Variants in TET1 observed in about 807,000 individuals in gnomAD.
TET1 encodes the protein tet methylcytosine dioxygenase 1, also known as methylcytosine dioxygenase TET1.
TET1 carries 13 observed loss-of-function variants against 148.7 expected under a neutral mutation model. The ratio of observed to expected loss-of-function variants is 0.09; its 90% CI spans 0.06 to 0.14. The LOEUF (loss-of-function observed/expected upper bound fraction) is 0.14, where lower values mean the gene tolerates loss of function less well. TET1 is among the 10% of genes least tolerant of loss of function. The pLI is 1.00. For synonymous variants in TET1, 907 were observed against 937.2 expected (o/e 0.97, Z 0.59); for missense variants, 2,182 against 2,553.8 (o/e 0.85, Z 3.14).
At chr10:68,579,188 C>T (rs2053765216) in intron 2 of TET1, among the ~76,000 whole-genome samples, 1 of 152,172 alleles carries the variant, frequency 6.6e-6, no homozygotes, top group African/African-American at 2.4e-5. Flanking sequence ...TGTAGCATTG[C>T]CAAATGACAT....
At chr10:68,607,300 G>A (rs576017665) in intron 3 of TET1, among the ~76,000 whole-genome samples, 25 of 151,792 alleles carry the variant, frequency 1.6e-4, no homozygotes, top group African/African-American at 6.0e-4. Context: ...TTTCTGAGTT[G>A]TACTTTCTTT....
At chr10:68,640,009 C>T (rs907747311) in intron 3 of TET1, among the ~76,000 whole-genome samples, 2 of 151,640 alleles carry the variant, frequency 1.3e-5, no homozygotes, top group Non-Finnish European at 2.9e-5. Flanking sequence ...CTCACTGCAA[C>T]CTCCTCCTCC....
At chr10:68,669,474 C>CTTTTTTTTTTTTTTTTTTTT (rs3085667) in intron 7 of TET1, among the ~76,000 whole-genome samples, 1 of 61,620 alleles carries the variant, frequency 1.6e-5, no homozygotes, top group South Asian at 1.1e-3. Context: ...CCATGCCCAG[C>CTTTTTTTTTTTTTTTTTTTT]TTTTTTTTTT....
chr10:68,666,275 C>T (rs1010960358), intron 6 of TET1, among the ~76,000 whole-genome samples: 1 of 152,010 alleles, frequency 6.6e-6, no homozygotes, highest in Non-Finnish European at 1.5e-5. Context: ...GTCAAGTAGA[C>T]CACATTAGTC....
At chr10:68,567,878 C>A (rs903692655) in intron 1 of TET1, among the ~76,000 whole-genome samples, 1 of 152,076 alleles carries the variant, frequency 6.6e-6, no homozygotes, top group African/African-American at 2.4e-5. Flanking sequence ...TACCAACAAC[C>A]GTTTTCCTAC....
chr10:68,633,674 G>C (rs2054610694), intron 3 of TET1, among the ~76,000 whole-genome samples: 1 of 152,176 alleles, frequency 6.6e-6, no homozygotes, highest in Admixed American at 6.6e-5. Flanking sequence ...CAAGTGATCT[G>C]CTCACCTTGG....
At chr10:68,614,469 A>G (rs561746056) in intron 3 of TET1, among the ~76,000 whole-genome samples, 13 of 152,180 alleles carry the variant, frequency 8.5e-5, no homozygotes, top group Non-Finnish European at 1.3e-4. Flanking sequence ...TGCCCAAGAA[A>G]TGTGATTTGC....
chr10:68,623,390 TG>T (rs2054404058), intron 3 of TET1, among the ~76,000 whole-genome samples: 1 of 152,200 alleles, frequency 6.6e-6, no homozygotes, highest in Non-Finnish European at 1.5e-5. Flanking sequence ...ATAGGACTGT[TG>T]GATAGAAGGG....
At chr10:68,640,741 T>C (rs986462123) in intron 3 of TET1, among the ~76,000 whole-genome samples, 21 of 150,866 alleles carry the variant, frequency 1.4e-4, no homozygotes, top group South Asian at 4.2e-4. Context: ...TTAGTAGAGA[T>C]GGGATTTCAC....
At chr10:68,614,575 G>T (rs547564653) in intron 3 of TET1, among the ~76,000 whole-genome samples, 5 of 152,128 alleles carry the variant, frequency 3.3e-5, no homozygotes, top group Non-Finnish European at 7.3e-5. Flanking sequence ...GTGGTGGCAC[G>T]ATCTCAGCTC....
chr10:68,636,064 G>C (rs1589099103), intron 3 of TET1, among the ~76,000 whole-genome samples: 1 of 152,168 alleles, frequency 6.6e-6, no homozygotes, highest in Non-Finnish European at 1.5e-5. Context: ...TTTGGTAGAA[G>C]TTTAAGATAT....
Position 68,636,981 on chromosome 10 carries a change from T to TGTGTGTGTGTGTGTG in TET1, c.1969-7717_1969-7716insGTGTGTGTGTGTGTG, listed in dbSNP as rs61255091. On this transcript the variant is annotated intron_variant, in intron 3 of 11. Coordinates refer to ENST00000373644, the MANE Select transcript of TET1 (RefSeq NM_030625.3). ...CTTTTGTTTTCTATTATTTTACTCG[T>TGTGTGTGTGTGTGTG]TGTGTGTGTGTGTGTGTGTGTGTGT... Among the ~76,000 whole-genome samples the TGTGTGTGTGTGTGTG allele has an allele frequency of 1.4e-3, 142 of 102,486 alleles. 3 individuals are homozygous for TGTGTGTGTGTGTGTG. Among genetic ancestry groups the TGTGTGTGTGTGTGTG allele is most frequent in the East Asian group, 3.8e-3 (13 of 3,410 alleles). 67.2% of individuals were successfully genotyped at this position (102,486 alleles called of 152,430 possible). A position where few individuals can be genotyped will look rare whatever the true frequency, so the allele number is the denominator to read the frequency against.
At chr10:68,662,186 T>C (rs995378599) in intron 6 of TET1, among the ~76,000 whole-genome samples, 1 of 152,104 alleles carries the variant, frequency 6.6e-6, no homozygotes, top group Non-Finnish European at 1.5e-5. Context: ...TTTTTGTATT[T>C]TTAGTAGAGG....
chr10:68,565,899 G>T (rs1248225470), intron 1 of TET1, among the ~76,000 whole-genome samples: 1 of 152,010 alleles, frequency 6.6e-6, no homozygotes, highest in African/African-American at 2.4e-5. Context: ...GTTTTTCAGG[G>T]GTCATTGGCC....
intron 3 of TET1, among the ~76,000 whole-genome samples, chr10:68,621,120 T>A (rs1052058478): frequency 1.3e-5 from 2 of 152,170 alleles, no homozygotes; most frequent in Non-Finnish European, 2.9e-5. Context: ...ATCTTTTTCT[T>A]TGGGTAATTA....
chr10:68,603,581 C>T (rs998592532), intron 3 of TET1, among the ~76,000 whole-genome samples: 1 of 152,010 alleles, frequency 6.6e-6, no homozygotes, highest in Non-Finnish European at 1.5e-5. Flanking sequence ...GACCAGCCTG[C>T]AAAACCTAGC....
chr10:68,640,937 T>C (rs2054743981), intron 3 of TET1, among the ~76,000 whole-genome samples: 1 of 151,756 alleles, frequency 6.6e-6, no homozygotes, highest in African/African-American at 2.4e-5. Context: ...AATGATATTA[T>C]GTAAATAAAA....
intron 10 of TET1, among the ~76,000 whole-genome samples, chr10:68,685,751 T>C (rs58977686): frequency 3.0e-4 from 45 of 152,260 alleles, no homozygotes; most frequent in Middle Eastern, 3.4e-3. Context: ...TAGTATTTCA[T>C]ATCCAAAGAA....
chr10:68,589,861 G>A (rs1326340134), intron 2 of TET1, among the ~76,000 whole-genome samples: 1 of 151,818 alleles, frequency 6.6e-6, no homozygotes, highest in African/African-American at 2.4e-5. Context: ...TAGCAGAAAT[G>A]GGGCTTCACT....
Sources: gnomAD v4.1 joint callset for allele counts (sites outside exome capture counted in the v4.1 genomes callset) on GRCh38, gnomAD v4.1.1 for gene constraint, MANE v1.5 for transcripts, NCBI Gene and HGNC (gene_info 2026-07-23, HGNC 2026-07-21) for gene names.